Variants in DUSP15 observed in about 807,000 individuals in gnomAD.
DUSP15 encodes the protein dual specificity protein phosphatase 15.
A neutral mutation model predicts 26.3 loss-of-function variants in DUSP15; 23 were observed. That is an observed-to-expected ratio of 0.87 (90% CI 0.63 to 1.24). The LOEUF is 1.24. DUSP15 is among the 50% of genes most tolerant of loss of function. The pLI, the probability that DUSP15 is intolerant of heterozygous loss-of-function variation, is 0.00. For synonymous variants in DUSP15, 143 were observed against 135.5 expected (o/e 1.06, Z -0.39); for missense variants, 364 against 320.6 (o/e 1.14, Z -1.03).
At chr20:31,846,145 G>C (rs9753559), downstream of DUSP15, among the ~76,000 whole-genome samples, 45 of 129,836 alleles carry the variant, frequency 3.5e-4, no homozygotes, top group South Asian at 6.8e-4. Flanking sequence ...CACACACACA[G>C]ACACACACAC....
At position 31,849,915 on chromosome 20, in the gene DUSP15, C is replaced by T. The variant is rs1049056922; in HGVS notation, c.492-41G>A. ...GGGTGCACGGGCTGGACGTGGGCGG[C>T]GCTAGCTCCCCTCGCCTTCTTACCC... On this transcript the variant is annotated intron_variant, in intron 7 of 9. Coordinates refer to the DUSP15 transcript ENST00000278979. The T allele has an allele frequency of 4.2e-6, 6 of 1,436,578 alleles. No homozygotes were observed. The African/African-American group carries it at 8.9e-5, about 21-fold the overall frequency. 89.0% of individuals were successfully genotyped at this position (1,436,578 alleles called of 1,614,324 possible).
chr20:31,846,971 T>G (rs956334519), downstream of DUSP15, among the ~76,000 whole-genome samples: 7 of 152,118 alleles, frequency 4.6e-5, no homozygotes, highest in Admixed American at 1.3e-4. Flanking sequence ...CACTCTGAAC[T>G]GAGGCTACCC....
At chr20:31,864,905 C>T (rs2062733069) in intron 4 of DUSP15, 48 bp downstream of exon 4, 1 of 1,596,374 alleles carries the variant, frequency 6.3e-7, no homozygotes, top group Non-Finnish European at 8.6e-7. Flanking sequence ...TCCCCCACCA[C>T]AGAAGGCAGC....
downstream of DUSP15, among the ~76,000 whole-genome samples, chr20:31,847,231 C>G (rs2062386549): frequency 6.6e-6 from 1 of 152,172 alleles, no homozygotes; most frequent in Non-Finnish European, 1.5e-5. Flanking sequence ...TCCCTGATGT[C>G]CCACATCTAG....
Position 31,870,378 on chromosome 20 carries a change from G to A in DUSP15, c.-41C>T. The A allele has an allele frequency of 7.8e-7, 1 of 1,278,386 alleles. No homozygotes were observed. The highest frequency in any genetic ancestry group is 9.9e-7 in the Non-Finnish European group (1 of 1,012,934). 79.2% of individuals were successfully genotyped at this position (1,278,386 alleles called of 1,614,324 possible). ...GGTCCGGGTGCACCCCCAGCTCGCC[G>A]CCCGGGAAGCGATCCGGTCACAGCT... On this transcript the variant is annotated 5_prime_UTR_variant, in exon 1 of 7. Coordinates refer to ENST00000339738, the MANE Select transcript of DUSP15 (RefSeq NM_080611.5). The surrounding 1 kb of genome is among the most constrained non-coding windows in gnomAD (Gnocchi z 6.6).
chr20:31,862,429 T>C (rs76513665), intron 6 of DUSP15, 142 bp downstream of exon 6: 128,978 of 931,214 alleles, frequency 0.14, 10,401 homozygotes, highest in Non-Finnish European at 0.16. Flanking sequence ...GGAGGTGGAT[T>C]AGCTCAAAGG....
At chr20:31,854,572 G>A (rs1191124199) in intron 6 of DUSP15, among the ~76,000 whole-genome samples, 2 of 152,306 alleles carry the variant, frequency 1.3e-5, no homozygotes, top group African/African-American at 4.8e-5. Flanking sequence ...TGGCACACAG[G>A]ACACCCCCAG....
At chr20:31,866,667 A>T (rs2062773160) in intron 3 of DUSP15, among the ~76,000 whole-genome samples, 1 of 152,174 alleles carries the variant, frequency 6.6e-6, no homozygotes, top group East Asian at 1.9e-4. Context: ...GGGCAGACAG[A>T]GCTGAGGGAT....
rs563299383 is a variant in DUSP15 at position 31,849,497 on chromosome 20, C to A, written c.628+241G>T. 38 of 740,008 alleles carry A rather than the reference C, an allele frequency of 5.1e-5. No homozygotes were observed. In the African/African-American group the frequency reaches 5.4e-4, roughly 10 times the overall value. 45.8% of individuals were successfully genotyped at this position (740,008 alleles called of 1,614,324 possible). A position where few individuals can be genotyped will look rare whatever the true frequency, so the allele number is the denominator to read the frequency against. ...TTTGCCCACCGCGTCCTTATGCCCC[C>A]GTTCCCACGCCACTCTGTTCCACTC... On this transcript the variant is annotated intron_variant, in intron 8 of 9. Transcript: ENST00000278979.
intron 5 of DUSP15, 25 bp from the exon 6 acceptor site, chr20:31,862,767 G>T: frequency 1.3e-6 from 2 of 1,570,846 alleles, no homozygotes; most frequent in Non-Finnish European, 1.7e-6. Context: ...AACCCCTCAG[G>T]CTTCAAGTAA....
downstream of DUSP15, among the ~76,000 whole-genome samples, chr20:31,847,256 G>A (rs1568648644): frequency 1.3e-5 from 2 of 152,162 alleles, no homozygotes; most frequent in Admixed American, 1.3e-4. Flanking sequence ...TGACAAAGCT[G>A]GATATGAGCC....
intron 6 of DUSP15, among the ~76,000 whole-genome samples, chr20:31,855,289 T>A (rs1156730871): frequency 6.6e-6 from 1 of 152,208 alleles, no homozygotes; most frequent in Non-Finnish European, 1.5e-5. Context: ...GCAACTTACC[T>A]TTTTTGCCAT....
intron 6 of DUSP15, among the ~76,000 whole-genome samples, chr20:31,853,158 G>A (rs1287956615): frequency 6.6e-6 from 1 of 152,144 alleles, no homozygotes; most frequent in African/African-American, 2.4e-5. Flanking sequence ...CCCCAGCTAG[G>A]GCTGGGGATT....
chr20:31,864,425 G>T, intron 4 of DUSP15: 1 of 1,033,618 alleles, frequency 9.7e-7, no homozygotes, highest in Non-Finnish European at 1.2e-6. Flanking sequence ...AAGCGGGGAG[G>T]CACTACTGCT....
intron 1 of DUSP15, chr20:31,869,917 A>C: frequency 7.4e-7 from 1 of 1,349,972 alleles, no homozygotes; most frequent in Non-Finnish European, 9.5e-7. Context: ...CAGGGATGGA[A>C]ATTCTGGGGC....
At position 31,864,154 on chromosome 20, in the gene DUSP15, G is replaced by A; in HGVS notation, c.189-173C>T. On this transcript the variant is annotated intron_variant, in intron 4 of 6. Coordinates refer to ENST00000339738, the MANE Select transcript of DUSP15 (RefSeq NM_080611.5). The stretch of plus-strand genomic sequence containing the variant: ...CTTAGTATGAGCTGGAGGTGTGTTT[G>A]TGTGAAGCAAGAATGGTGGCATTTC... The A allele has an allele frequency of 5.0e-6, 7 of 1,405,740 alleles. No homozygotes were observed. The South Asian group carries it at 9.4e-5, about 19-fold the overall frequency. The allele number at this position is 1,405,740 out of a possible 1,614,324, so 87.1% of individuals were successfully genotyped here. A position where few individuals can be genotyped will look rare whatever the true frequency, so the allele number is the denominator to read the frequency against.
chr20:31,848,109 G>C, exon 10 of DUSP15: 1 of 406,522 alleles, frequency 2.5e-6, no homozygotes. Flanking sequence ...TCTGAGGAAA[G>C]CGCTATTGAC....
exon 10 of DUSP15, chr20:31,847,802 T>C (rs1334781349): frequency 6.6e-6 from 1 of 152,242 alleles, no homozygotes; most frequent in Non-Finnish European, 1.5e-5. Context: ...GGGCTGCATT[T>C]GGAGGTCCGC....
chr20:31,864,522 G>A (rs2062726373), intron 4 of DUSP15: 2 of 933,798 alleles, frequency 2.1e-6, no homozygotes, highest in Non-Finnish European at 2.6e-6. Flanking sequence ...TCTGATCTTC[G>A]AAAGCCTCCT....
Sources: gnomAD v4.1 joint callset for allele counts (sites outside exome capture counted in the v4.1 genomes callset) on GRCh38, gnomAD v4.1.1 for gene constraint, Gnocchi (gnomAD v3.1) non-coding constraint, MANE v1.5 for transcripts, NCBI Gene and HGNC (gene_info 2026-07-23, HGNC 2026-07-21) for gene names.